PCBP3: variants seen among roughly 807,000 people sequenced by gnomAD.
PCBP3 encodes poly(rC) binding protein 3.
Under a neutral mutation model 52.7 loss-of-function variants are expected in PCBP3, and 25 were observed. The ratio of observed to expected loss-of-function variants is 0.47; its 90% CI spans 0.35 to 0.66. The LOEUF is 0.66. Ranked by LOEUF, PCBP3 falls within the 30% of genes least tolerant of loss-of-function variation. The pLI is 0.01. For synonymous variants in PCBP3, 162 were observed against 183.0 expected, an observed-to-expected ratio of 0.89 and a Z score of 0.93; for missense variants, 391 against 490.3, an observed-to-expected ratio of 0.80 and a Z score of 1.91.
At chr21:45,913,548 G>T (rs1488415368) in intron 11 of PCBP3, among the ~76,000 whole-genome samples, 2 of 152,142 alleles carry the variant, frequency 1.3e-5, no homozygotes, top group South Asian at 4.2e-4. Context: ...GCAGGGGGCC[G>T]TCTGGGTTGG....
rs536988064 is a variant in PCBP3 at position 45,726,441 on chromosome 21, A to G, written c.-199-8951A>G. Among the ~76,000 whole-genome samples, 25 of 152,128 alleles carry G rather than the reference A, an allele frequency of 1.6e-4. No homozygotes were observed. In the East Asian group the frequency reaches 3.5e-3, roughly 21 times the overall value. Reference sequence around the variant, plus strand: ...CCCAGAAGAGACTGGTGTGGTTGGAACTCCAGGTGGGGCTTGCTCCACTCT... The same window carrying G: ...CCCAGAAGAGACTGGTGTGGTTGGAGCTCCAGGTGGGGCTTGCTCCACTCT... On this transcript the variant is annotated intron_variant, in intron 2 of 17. Transcript: ENST00000681687.
Position 45,900,582 on chromosome 21 carries a change from T to G in PCBP3, c.190-9T>G. 6.2e-7 allele frequency: 1 copy of G among 1,610,882 alleles called. No individual in the cohort carries two copies. The highest frequency in any genetic ancestry group is 8.5e-7 in the Non-Finnish European group (1 of 1,177,702). ...TACCTTTTCCTTATTGTCTAAATCT[T>G]TATTCCAGAAAGGAGAAACTGTGAA... On this transcript the variant is annotated splice_polypyrimidine_tract_variant and intron_variant, in intron 7 of 17. Transcript: ENST00000681687.
chr21:45,750,875 AGTGTGTGT>A (rs200225619), intron 3 of PCBP3: 1 of 115,452 alleles, frequency 8.7e-6, no homozygotes, highest in Admixed American at 8.5e-5. Context: ...CATACATGTA[AGTGTGTGT>A]GTGTGTGTGT....
At chr21:45,844,118 G>A (rs918916724) in intron 4 of PCBP3, among the ~76,000 whole-genome samples, 1 of 151,972 alleles carries the variant, frequency 6.6e-6, no homozygotes, top group Non-Finnish European at 1.5e-5. Flanking sequence ...CAAAATTGCA[G>A]GCCCCAGCTC....
intron 2 of PCBP3, among the ~76,000 whole-genome samples, chr21:45,680,193 T>A (rs2081750067): frequency 1.3e-5 from 2 of 152,240 alleles, no homozygotes; most frequent in Non-Finnish European, 2.9e-5. Context: ...AATGTTTCAG[T>A]TATTCTAGTT....
chr21:45,646,071 CTCTCTCTCTCTT>C (rs1170057292), intron 1 of PCBP3, among the ~76,000 whole-genome samples: 4 of 123,434 alleles, frequency 3.2e-5, no homozygotes, highest in South Asian at 3.0e-4. Context: ...CTCTCTCTCT[CTCTCTCTCTCTT>C]TCTCTCTCTC....
At chr21:45,646,105 C>CTGTGTGTG (rs1342511407) in intron 1 of PCBP3, among the ~76,000 whole-genome samples, 2,702 of 92,662 alleles carry the variant, frequency 0.029, 36 homozygotes, top group South Asian at 0.041. Context: ...CTCTCTCTCT[C>CTGTGTGTG]TCTGTGTGTG....
Position 45,802,525 on chromosome 21 carries a change from A to G in PCBP3, c.-126+47073A>G, listed in dbSNP as rs555340701. On this transcript the variant is annotated intron_variant, in intron 4 of 17. Transcript: ENST00000681687. This position sits in a 1 kb window ranked among gnomAD's most constrained non-coding sequence, Gnocchi z 5.1. ...AGGGCTCTGCAGAGACGGCTCTGAG[A>G]GCAAAAGTGAGCCATGCTGGAGAAG... 3.1e-4 allele frequency among the ~76,000 whole-genome samples: 47 copies of G among 152,258 alleles called. No homozygotes were observed. The highest frequency in any genetic ancestry group is 1.1e-3 in the African/African-American group (44 of 41,534).
rs902069460 is a variant in PCBP3, at chr21:45,735,430, G to T, written c.-162+1G>T. The T allele has an allele frequency of 6.6e-6, 1 of 152,020 alleles. No homozygotes were observed. Among genetic ancestry groups the T allele is most frequent in the Non-Finnish European group, 1.5e-5 (1 of 67,992 alleles). 9.4% of individuals were successfully genotyped at this position (152,020 alleles called of 1,614,324 possible). A position where few individuals can be genotyped will look rare whatever the true frequency, so the allele number is the denominator to read the frequency against. On this transcript the variant is annotated splice_donor_variant, in intron 3 of 17. Transcript: ENST00000681687. LOFTEE classifies it low-confidence loss of function (5UTR_SPLICE). The surrounding 1 kb of genome is among the most constrained non-coding windows in gnomAD (Gnocchi z 4.0). Reference sequence around the variant, plus strand: ...AGAGAAGCTCCCCACGTGGTTCCGTGTAAGTAGTGCTTCTTATGATGCTGT... The same window carrying T: ...AGAGAAGCTCCCCACGTGGTTCCGTTTAAGTAGTGCTTCTTATGATGCTGT...
At chr21:45,932,526 G>C in intron 15 of PCBP3, among the ~76,000 whole-genome samples, 1 of 148,844 alleles carries the variant, frequency 6.7e-6, no homozygotes, top group East Asian at 2.1e-4. Flanking sequence ...CGAACACGTC[G>C]GCCATGCCGT....
At chr21:45,828,906 C>T (rs1470006568) in intron 4 of PCBP3, 2 of 152,480 alleles carry the variant, frequency 1.3e-5, no homozygotes, top group Non-Finnish European at 2.9e-5. Flanking sequence ...GGAGCTCCAC[C>T]TCTGTCCCCG....
intron 4 of PCBP3, among the ~76,000 whole-genome samples, chr21:45,824,258 C>A (rs1250108097): frequency 1.3e-5 from 2 of 152,224 alleles, no homozygotes; most frequent in African/African-American, 4.8e-5. Context: ...TCACTGCCCT[C>A]AGGTGCAAGT....
intron 5 of PCBP3, among the ~76,000 whole-genome samples, chr21:45,878,025 C>T (rs1029130314): frequency 2.6e-5 from 4 of 152,246 alleles, no homozygotes; most frequent in Non-Finnish European, 4.4e-5. Context: ...CAGCCACATA[C>T]CCAGAAGTGC....
chr21:45,752,595 G>A (rs1196794015), intron 3 of PCBP3, among the ~76,000 whole-genome samples: 1 of 151,876 alleles, frequency 6.6e-6, no homozygotes, highest in Non-Finnish European at 1.5e-5. Context: ...CAAATACACA[G>A]AGCTTTAAAA....
At chr21:45,815,425 T>G (rs1213705029) in intron 4 of PCBP3, among the ~76,000 whole-genome samples, 4 of 81,276 alleles carry the variant, frequency 4.9e-5, no homozygotes, top group African/African-American at 5.1e-5. Context: ...GATGAGTGAG[T>G]GGTGAGTGGT....
At position 45,805,806 on chromosome 21, in the gene PCBP3, CCTGT is replaced by C. The variant is rs1569246741; in HGVS notation, c.-125-44152_-125-44149del. On this transcript the variant is annotated intron_variant, in intron 4 of 17. Coordinates refer to ENST00000681687, the MANE Select transcript of PCBP3 (RefSeq NM_001384156.1). The surrounding 1 kb of genome is among the most constrained non-coding windows in gnomAD (Gnocchi z 4.6). ...GGAGTGGTCCTGAGGAAAGCGCGCT[CCTGT>C]CTTTCTGTGGCAGCGAAGGTGGCAT... Among the ~76,000 whole-genome samples, 1 of 152,084 alleles carries C rather than the reference CCTGT, an allele frequency of 6.6e-6. No homozygotes were observed. The highest frequency in any genetic ancestry group is 6.5e-5 in the Admixed American group (1 of 15,270).
intron 3 of PCBP3, among the ~76,000 whole-genome samples, chr21:45,748,652 C>T (rs758749670): frequency 6.6e-5 from 10 of 152,240 alleles, no homozygotes; most frequent in Non-Finnish European, 1.5e-4. Flanking sequence ...ACCTTCTTTG[C>T]TGAGCTTGTG....
chr21:45,778,014 T>C (rs2090378015), intron 4 of PCBP3, among the ~76,000 whole-genome samples: 2 of 152,130 alleles, frequency 1.3e-5, no homozygotes, highest in South Asian at 4.2e-4. Context: ...GTTCATACTT[T>C]GATGTCTGTT....
chr21:45,891,295 G>T (rs1224043818), intron 5 of PCBP3, among the ~76,000 whole-genome samples: 1 of 152,238 alleles, frequency 6.6e-6, no homozygotes, highest in East Asian at 1.9e-4. Flanking sequence ...GAAGAACTGT[G>T]CACAAATGTC....
Sources: gnomAD v4.1 joint callset for allele counts (sites outside exome capture counted in the v4.1 genomes callset) on GRCh38, gnomAD v4.1.1 for gene constraint, Gnocchi (gnomAD v3.1) non-coding constraint, MANE v1.5 for transcripts, NCBI Gene and HGNC (gene_info 2026-07-23, HGNC 2026-07-21) for gene names.